FOXP2: variants seen among roughly 807,000 people sequenced by gnomAD.
The protein encoded by FOXP2 is forkhead box P2, also known as forkhead box protein P2.
FOXP2 carries 12 observed loss-of-function variants against 115.8 expected under a neutral mutation model. The ratio of observed to expected loss-of-function variants is 0.10; its 90% CI spans 0.07 to 0.17. FOXP2 has a LOEUF of 0.17. Ranked by LOEUF, FOXP2 falls within the 10% of genes least tolerant of loss-of-function variation. The pLI, the probability that FOXP2 is intolerant of heterozygous loss-of-function variation, is 1.00. For missense variants in FOXP2, 629 were observed against 843.5 expected, an observed-to-expected ratio of 0.75 and a Z score of 3.15; for synonymous variants, 328 against 297.7, an observed-to-expected ratio of 1.10 and a Z score of -1.05.
chr7:114,631,740 A>G, intron 6 of FOXP2, 35 bp downstream of exon 6: 2 of 1,607,122 alleles, frequency 1.2e-6, no homozygotes, highest in Non-Finnish European at 1.7e-6. Context: ...TTCATTTCAA[A>G]TCTTGTACTT....
At chr7:114,568,585 G>C (rs1801136967) in intron 3 of FOXP2, among the ~76,000 whole-genome samples, 1 of 151,836 alleles carries the variant, frequency 6.6e-6, no homozygotes, top group African/African-American at 2.4e-5. Flanking sequence ...AGTCAGTTGA[G>C]CTAAAAATGG....
At chr7:114,504,043 A>C (rs914314454) in intron 2 of FOXP2, among the ~76,000 whole-genome samples, 9 of 151,736 alleles carry the variant, frequency 5.9e-5, no homozygotes, top group Non-Finnish European at 3.0e-5. Context: ...AGTACATAAA[A>C]ATAAAATATT....
chr7:114,249,646 A>G (rs1795384339), intron 1 of FOXP2, among the ~76,000 whole-genome samples: 1 of 151,810 alleles, frequency 6.6e-6, no homozygotes, highest in African/African-American at 2.4e-5. Flanking sequence ...CCATGTCTTT[A>G]CTATTGTGAA....
At chr7:114,516,671 T>TTTTGTTC (rs1402080836) in intron 2 of FOXP2, among the ~76,000 whole-genome samples, 4 of 152,054 alleles carry the variant, frequency 2.6e-5, no homozygotes, top group African/African-American at 9.6e-5. Flanking sequence ...TTGGTAATTT[T>TTTTGTTC]TTTGTTCTTT....
intron 1 of FOXP2, among the ~76,000 whole-genome samples, chr7:114,259,469 A>G (rs960744905): frequency 2.8e-4 from 42 of 152,244 alleles, no homozygotes; most frequent in African/African-American, 9.9e-4. Context: ...ACCAGAACAT[A>G]ATAGTAATCA....
At chr7:114,663,889 A>G (rs1807019916) in intron 15 of FOXP2, among the ~76,000 whole-genome samples, 1 of 152,166 alleles carries the variant, frequency 6.6e-6, no homozygotes, top group Non-Finnish European at 1.5e-5. Context: ...ATTATAATAT[A>G]TAATTTTTAT....
At chr7:114,421,338 A>C (rs1175777894) in intron 1 of FOXP2, among the ~76,000 whole-genome samples, 1 of 151,592 alleles carries the variant, frequency 6.6e-6, no homozygotes, top group East Asian at 1.9e-4. Flanking sequence ...TAAGTTTTTC[A>C]TTGGCTTTAC....
chr7:114,569,298 G>A, intron 3 of FOXP2, among the ~76,000 whole-genome samples: 1 of 151,856 alleles, frequency 6.6e-6, no homozygotes, highest in Non-Finnish European at 1.5e-5. Context: ...AACTTGTACT[G>A]TTTTAAATTG....
intron 2 of FOXP2, among the ~76,000 whole-genome samples, chr7:114,476,459 A>G (rs548715334): frequency 6.6e-6 from 1 of 151,958 alleles, no homozygotes; most frequent in South Asian, 2.1e-4. Flanking sequence ...TGAGTTTTCT[A>G]TTCTGTTCTA....
intron 1 of FOXP2, among the ~76,000 whole-genome samples, chr7:114,250,448 C>G (rs1326424958): frequency 1.3e-5 from 2 of 152,318 alleles, no homozygotes; most frequent in Non-Finnish European, 2.9e-5. Context: ...CACATCTTCT[C>G]CAGCACCTGT....
chr7:114,354,834 TATGAG>T (rs1366876226), intron 2 of FOXP2, among the ~76,000 whole-genome samples: 2 of 152,190 alleles, frequency 1.3e-5, no homozygotes, highest in Non-Finnish European at 2.9e-5. Flanking sequence ...GTTTTTAAAA[TATGAG>T]ATATTTTGAA....
At chr7:114,343,516 A>G (rs1022249885) in intron 2 of FOXP2, among the ~76,000 whole-genome samples, 2 of 151,642 alleles carry the variant, frequency 1.3e-5, no homozygotes, top group Admixed American at 1.3e-4. Flanking sequence ...CTACTTCCTT[A>G]CATTGTTTAA....
chr7:114,299,926 G>T (rs1203531612), intron 2 of FOXP2, among the ~76,000 whole-genome samples: 1 of 151,976 alleles, frequency 6.6e-6, no homozygotes, highest in East Asian at 1.9e-4. Context: ...GGATTACACA[G>T]TACTCATTTA....
chr7:114,353,804 T>C (rs2129186327), intron 2 of FOXP2, among the ~76,000 whole-genome samples: 1 of 152,244 alleles, frequency 6.6e-6, no homozygotes, highest in South Asian at 2.1e-4. Flanking sequence ...CATAGTCTTC[T>C]GCCCCAATCT....
Position 114,691,929 on chromosome 7 carries a change from CAA to C in FOXP2, c.*2015_*2016del, listed in dbSNP as rs746621983. 498 of 246,204 alleles carry C rather than the reference CAA, an allele frequency of 2.0e-3. No homozygotes were observed. Among genetic ancestry groups the C allele is most frequent in the Admixed American group, 2.6e-3 (41 of 15,890 alleles). The allele number at this position is 246,204 out of a possible 1,614,324, so 15.3% of individuals were successfully genotyped here. ...GGCTTTCTGAAAGCTTCTACCTCTG[CAA>C]AAAAAAAAAAAGAAAAAAAAAAAAA... On this transcript the variant is annotated 3_prime_UTR_variant, in exon 17 of 17. Transcript: ENST00000350908.
chr7:114,678,547 CTTTTTTTTTT>C (rs35525759), intron 16 of FOXP2, among the ~76,000 whole-genome samples: 9 of 48,408 alleles, frequency 1.9e-4, no homozygotes, highest in African/African-American at 2.8e-4. Flanking sequence ...ATAAGTGACT[CTTTTTTTTTT>C]TTTTTTTTTT....
intron 16 of FOXP2, among the ~76,000 whole-genome samples, chr7:114,670,639 A>T (rs914815075): frequency 2.0e-5 from 3 of 152,160 alleles, no homozygotes; most frequent in African/African-American, 7.2e-5. Flanking sequence ...TAATGAAAAC[A>T]TAAGTATATA....
At chr7:114,279,708 T>TCC (rs1173731860) in intron 1 of FOXP2, among the ~76,000 whole-genome samples, 1 of 151,948 alleles carries the variant, frequency 6.6e-6, no homozygotes, top group South Asian at 2.1e-4. Context: ...AAAAATGTAA[T>TCC]CCAGTGAATT....
At chr7:114,287,077 C>G (rs114848826) in intron 1 of FOXP2, among the ~76,000 whole-genome samples, 4 of 151,962 alleles carry the variant, frequency 2.6e-5, no homozygotes, top group African/African-American at 9.7e-5. Flanking sequence ...ACTCTCCATA[C>G]AGCTCTCCAT....
Sources: gnomAD v4.1 joint callset for allele counts (sites outside exome capture counted in the v4.1 genomes callset) on GRCh38, gnomAD v4.1.1 for gene constraint, MANE v1.5 for transcripts, NCBI Gene and HGNC (gene_info 2026-07-23, HGNC 2026-07-21) for gene names.